CYFIP1: variants seen among roughly 807,000 people sequenced by gnomAD.
CYFIP1 encodes the protein cytoplasmic FMR1 interacting protein 1, also known as cytoplasmic FMR1-interacting protein 1.
Under a neutral mutation model 163.5 loss-of-function variants are expected in CYFIP1, and 58 were observed. That is an observed-to-expected ratio of 0.35 (90% CI 0.29 to 0.44). The LOEUF (loss-of-function observed/expected upper bound fraction) is 0.44, where lower values mean the gene tolerates loss of function less well. Ranked by LOEUF, CYFIP1 falls within the 20% of genes least tolerant of loss-of-function variation. The pLI is 1.00. For missense variants in CYFIP1, 1,338 were observed against 1,653.8 expected, an observed-to-expected ratio of 0.81 and a Z score of 3.31; for synonymous variants, 663 against 660.7, an observed-to-expected ratio of 1.00 and a Z score of -0.05.
At chr15:22,937,557 T>C (rs1459307738) in intron 8 of CYFIP1, among the ~76,000 whole-genome samples, 2 of 152,274 alleles carry the variant, frequency 1.3e-5, no homozygotes, top group South Asian at 4.1e-4. Context: ...TGCAGCCACA[T>C]GTAACCAGTT....
At position 22,893,219 on chromosome 15, in the gene CYFIP1, A is replaced by C. The variant is rs564821372; in HGVS notation, c.2589-242T>G. ...GAACACCCGGGGTCTGGTCTGCTGT[A>C]CCAGAGCCGCCTCGAGCCCAACGCA... On this transcript the variant is annotated intron_variant, in intron 22 of 30. Transcript: ENST00000617928. 3.0e-4 allele frequency among the ~76,000 whole-genome samples: 45 copies of C among 152,336 alleles called. No individual in the cohort carries two copies. In the South Asian group the frequency reaches 8.3e-3, roughly 28 times the overall value.
At chr15:22,913,487 C>T (rs1243730813) in intron 17 of CYFIP1, among the ~76,000 whole-genome samples, 1 of 118,984 alleles carries the variant, frequency 8.4e-6, no homozygotes, top group Non-Finnish European at 1.6e-5. Flanking sequence ...GAGATTGTGC[C>T]ACTGCACTCC....
intron 1 of CYFIP1, among the ~76,000 whole-genome samples, chr15:22,971,993 G>T (rs956837331): frequency 2.6e-5 from 4 of 152,206 alleles, no homozygotes; most frequent in Non-Finnish European, 5.9e-5. Context: ...CAGATTCAAT[G>T]CAGTCTCTAT....
chr15:22,926,141 T>C, intron 12 of CYFIP1, 34 bp from the exon 13 acceptor site: 3 of 1,612,742 alleles, frequency 1.9e-6, no homozygotes, highest in Middle Eastern at 1.7e-4. Flanking sequence ...GTGTTCCATA[T>C]TGCATGCAAA....
At chr15:22,951,919 G>A (rs2062263009) in intron 1 of CYFIP1, among the ~76,000 whole-genome samples, 1 of 120,022 alleles carries the variant, frequency 8.3e-6, no homozygotes, top group African/African-American at 3.1e-5. Context: ...TTGAACCCAC[G>A]GAAAAACACC....
At chr15:22,921,499 G>A (rs1205175266) in intron 13 of CYFIP1, among the ~76,000 whole-genome samples, 1 of 151,848 alleles carries the variant, frequency 6.6e-6, no homozygotes, top group South Asian at 2.1e-4. Context: ...CAAATGCTTA[G>A]CAAGAATAAC....
chr15:22,927,930 C>T lies in CYFIP1; in HGVS notation c.1209G>A (p.Gln403=). ...CCACTTCCATCACGTGCGCGCTCCA[C>T]TGCGACAACAGCTGCAGGCCCTGCA... ...LALQGLQLLS[Q]WSAHVMEVYS... Residue 403 remains glutamine, a synonymous_variant, in exon 12 of 31, where the codon CAG becomes CAA. Coordinates refer to ENST00000617928, the MANE Select transcript of CYFIP1 (RefSeq NM_014608.6). 6.2e-7 allele frequency: 1 copy of T among 1,606,890 alleles called. No homozygotes were observed. The highest frequency in any genetic ancestry group is 1.1e-5 in the South Asian group (1 of 90,188).
At chr15:22,871,700 T>G (rs1003437233) in intron 30 of CYFIP1, among the ~76,000 whole-genome samples, 2 of 152,174 alleles carry the variant, frequency 1.3e-5, no homozygotes, top group Non-Finnish European at 2.9e-5. Flanking sequence ...AGGAGAGACA[T>G]GGCAGAAGAC....
Position 22,925,365 on chromosome 15 carries a change from G to C in CYFIP1, c.1359+617C>G, listed in dbSNP as rs533671976. Among the ~76,000 whole-genome samples, 3 of 152,306 alleles carry C rather than the reference G, an allele frequency of 2.0e-5. No individual in the cohort carries two copies. The East Asian group carries it at 5.8e-4, about 29-fold the overall frequency. On this transcript the variant is annotated intron_variant, in intron 13 of 30. Transcript: ENST00000617928. ...ACCGACAGCAACTGACACTGGGTTA[G>C]AGCAGAGCAGAAACACAGCCACACA...
chr15:22,924,850 T>C (rs1049587360), intron 13 of CYFIP1, among the ~76,000 whole-genome samples: 36 of 152,116 alleles, frequency 2.4e-4, no homozygotes, highest in Middle Eastern at 3.4e-3. Flanking sequence ...GGCGGGTGGA[T>C]TGCTTGAGCT....
Position 22,943,330 on chromosome 15 carries a change from C to A in CYFIP1, c.412G>T (p.Gly138Trp). Residue 138 changes from glycine (G) to tryptophan (W), a missense_variant, in exon 6 of 31, where the codon GGG (glycine) becomes TGG (tryptophan). Transcript: ENST00000617928. ...GCATGGCACAGGCGCCTCACTTCCC[C>A]GCAGAAACGCTCAATGGCATTTCTC... is the stretch of plus-strand genomic sequence containing the variant. ...FQRNAIERFC[G>W]EVRRLCHAER... The A allele has an allele frequency of 4.3e-6, 7 of 1,614,146 alleles. No homozygotes were observed. Among genetic ancestry groups the A allele is most frequent in the Non-Finnish European group, 5.9e-6 (7 of 1,180,036 alleles).
At chr15:22,975,548 G>A (rs1027513074) in intron 1 of CYFIP1, among the ~76,000 whole-genome samples, 1 of 151,752 alleles carries the variant, frequency 6.6e-6, no homozygotes, top group Non-Finnish European at 1.5e-5. Context: ...ATCACCTGAG[G>A]TCAGGAGGTC....
chr15:22,904,601 C>T (rs1260641721), intron 21 of CYFIP1: 1 of 152,284 alleles, frequency 6.6e-6, no homozygotes, highest in Admixed American at 6.5e-5. Flanking sequence ...AATAACTTCA[C>T]CTATTTCCTT....
At chr15:22,884,056 C>G (rs977557248) in intron 23 of CYFIP1, among the ~76,000 whole-genome samples, 8 of 152,118 alleles carry the variant, frequency 5.3e-5, no homozygotes, top group Non-Finnish European at 1.0e-4. Flanking sequence ...ATGAACCAGT[C>G]AACTCCCACC....
intron 22 of CYFIP1, among the ~76,000 whole-genome samples, chr15:22,902,777 G>C (rs996493308): frequency 1.3e-5 from 2 of 152,152 alleles, no homozygotes; most frequent in Admixed American, 6.5e-5. Context: ...AACACACCTG[G>C]GCCTGACCCA....
At chr15:22,879,129 C>A (rs1039212283) in intron 26 of CYFIP1, among the ~76,000 whole-genome samples, 2 of 125,322 alleles carry the variant, frequency 1.6e-5, no homozygotes, top group African/African-American at 6.7e-5. Context: ...GAGCAAGACT[C>A]CGTCTCAAAA....
At position 22,881,947 on chromosome 15, in the gene CYFIP1, G is replaced by A. The variant is rs775679988; in HGVS notation, c.2821-11C>T. 6.2e-6 allele frequency: 10 copies of A among 1,610,222 alleles called. No individual in the cohort carries two copies. The highest frequency in any genetic ancestry group is 7.6e-6 in the Non-Finnish European group (9 of 1,179,320). The stretch of plus-strand genomic sequence containing the variant: ...GATTGTGCCTTGCAGCTGCCGGGGA[G>A]ATGAGACGGGCTGCGTCAGCCACCC... On this transcript the variant is annotated splice_polypyrimidine_tract_variant and intron_variant, in intron 24 of 30. Transcript: ENST00000617928.
chr15:22,914,752 C>T lies in CYFIP1; in HGVS notation c.1959G>A (p.Leu653=), dbSNP rs779246611. The T allele has an allele frequency of 2.6e-5, 42 of 1,613,228 alleles. No homozygotes were observed. Among genetic ancestry groups the T allele is most frequent in the Non-Finnish European group, 3.4e-5 (40 of 1,179,640 alleles). Residue 653 remains leucine, a synonymous_variant, in exon 17 of 31, where the codon CTG becomes CTA. Coordinates refer to ENST00000617928, the MANE Select transcript of CYFIP1 (RefSeq NM_014608.6). ...CCATCATCGATGCCTCCTTGGTCTC[C>T]AGGATGTGGTCCGTCAGGATCCAGG... ...SMPWILTDHI[L]ETKEASMMEY... is the part of the protein sequence containing the mutation.
chr15:22,978,006 T>C (rs1396967805), intron 1 of CYFIP1, among the ~76,000 whole-genome samples: 2 of 151,986 alleles, frequency 1.3e-5, no homozygotes, highest in Non-Finnish European at 2.9e-5. Context: ...ATAACTATAA[T>C]GTCAATCAAC....
Sources: gnomAD v4.1 joint callset for allele counts (sites outside exome capture counted in the v4.1 genomes callset) on GRCh38, gnomAD v4.1.1 for gene constraint, MANE v1.5 for transcripts, NCBI Gene and HGNC (gene_info 2026-07-23, HGNC 2026-07-21) for gene names.